The following PGM2L1 variants were observed in gnomAD, a reference collection of about 807,000 sequenced individuals.
PGM2L1 encodes the protein glucose 1,6-bisphosphate synthase.
A neutral mutation model predicts 73.4 loss-of-function variants in PGM2L1; 35 were observed. The ratio of observed to expected loss-of-function variants is 0.48; its 90% confidence interval spans 0.36 to 0.63. The LOEUF is 0.63. Ranked by LOEUF, PGM2L1 falls within the 30% of genes least tolerant of loss-of-function variation. The probability of loss-of-function intolerance (pLI) is 0.00; values close to 1 mark genes in which losing one functional copy is unlikely to be tolerated. For synonymous variants in PGM2L1, 225 were observed against 253.8 expected (o/e 0.89, Z 1.08); for missense variants, 570 against 742.0 (o/e 0.77, Z 2.69).
chr11:74,384,129 C>T (rs533872345), intron 1 of PGM2L1, among the ~76,000 whole-genome samples: 5 of 151,862 alleles, frequency 3.3e-5, no homozygotes, highest in East Asian at 1.9e-4. Context: ...TTTACTCCCC[C>T]ACTCCCCCCG....
intron 1 of PGM2L1, among the ~76,000 whole-genome samples, chr11:74,391,610 G>A (rs1229279622): frequency 6.6e-6 from 1 of 151,842 alleles, no homozygotes; most frequent in African/African-American, 2.4e-5. Context: ...TGGAATAATT[G>A]TCTTATTTAA....
chr11:74,359,736 C>T (rs1862524362), intron 5 of PGM2L1, among the ~76,000 whole-genome samples: 1 of 151,746 alleles, frequency 6.6e-6, no homozygotes, highest in South Asian at 2.1e-4. Context: ...AAGTGACAAA[C>T]ACGTATATAT....
Position 74,332,782 on chromosome 11 carries a change from C to T in PGM2L1, c.*3870G>A, listed in dbSNP as rs1176964851. ...GGGAGGTCTATTTCCTATATAAAGA[C>T]ATTCCAAAGTATCCAATCTCTTAGA... On this transcript the variant is annotated 3_prime_UTR_variant, in exon 14 of 14. Coordinates refer to ENST00000298198, the MANE Select transcript of PGM2L1 (RefSeq NM_173582.6). 1 of 152,404 alleles carries T rather than the reference C, an allele frequency of 6.6e-6. No homozygotes were observed. Among genetic ancestry groups the T allele is most frequent in the Non-Finnish European group, 1.5e-5 (1 of 68,010 alleles). 9.4% of individuals were successfully genotyped at this position (152,404 alleles called of 1,614,324 possible).
intron 1 of PGM2L1, among the ~76,000 whole-genome samples, chr11:74,375,419 C>A (rs1385645668): frequency 6.6e-6 from 1 of 152,038 alleles, no homozygotes; most frequent in Non-Finnish European, 1.5e-5. Flanking sequence ...GTAAGACTTA[C>A]ATGGAATTTT....
intron 1 of PGM2L1, 181 bp downstream of exon 1, chr11:74,397,870 G>C: frequency 9.1e-7 from 1 of 1,099,030 alleles, no homozygotes; most frequent in South Asian, 2.7e-5. Context: ...GTTGCCGCCC[G>C]GCTCTGGCAG....
chr11:74,358,445 T>C (rs1157700922), intron 5 of PGM2L1, among the ~76,000 whole-genome samples: 1 of 152,202 alleles, frequency 6.6e-6, no homozygotes, highest in African/African-American at 2.4e-5. Flanking sequence ...TTTCCACCCA[T>C]CTGATTGGCA....
In PGM2L1 at chr11:74,333,361, A is replaced by G. The variant is rs1378754748; in HGVS notation, c.*3291T>C. 6.6e-6 allele frequency: 1 copy of G among 152,236 alleles called. No individual in the cohort carries two copies. The highest frequency in any genetic ancestry group is 1.5e-5 in the Non-Finnish European group (1 of 68,038). 9.4% of individuals were successfully genotyped at this position (152,236 alleles called of 1,614,324 possible). A position where few individuals can be genotyped will look rare whatever the true frequency, so the allele number is the denominator to read the frequency against. ...AGTATTTCTTACTTTGAACCCTTCA[A>G]TAAAAGACTCAATAAAGCTTTATTA... On this transcript the variant is annotated 3_prime_UTR_variant, in exon 14 of 14. Transcript: ENST00000298198.
intron 2 of PGM2L1, among the ~76,000 whole-genome samples, chr11:74,373,657 A>G (rs550935374): frequency 1.1e-3 from 166 of 152,378 alleles, no homozygotes; most frequent in African/African-American, 3.8e-3. Context: ...ATGTGGATAT[A>G]GAAAACCACA....
In PGM2L1 at chr11:74,369,032, G is replaced by A. The variant is rs187485092; in HGVS notation, c.472-457C>T. 4.7e-3 allele frequency among the ~76,000 whole-genome samples: 713 copies of A among 152,184 alleles called. 7 individuals are homozygous for A. The highest frequency in any genetic ancestry group is 0.016 in the African/African-American group (671 of 41,500). The stretch of plus-strand genomic sequence containing the variant: ...AATAGCTCCAGTCTCCCAACAACAC[G>A]TTCAAATTTCAGTTACCACGGTAAT... On this transcript the variant is annotated intron_variant, in intron 4 of 13. Transcript: ENST00000298198.
chr11:74,337,925 T>C (rs1043379294), intron 13 of PGM2L1, among the ~76,000 whole-genome samples: 1 of 152,102 alleles, frequency 6.6e-6, no homozygotes, highest in African/African-American at 2.4e-5. Flanking sequence ...AATGAAAACA[T>C]ACATTCACAC....
At chr11:74,347,467 T>C in intron 6 of PGM2L1, 130 bp from the exon 7 acceptor site, 1 of 709,182 alleles carries the variant, frequency 1.4e-6, no homozygotes, top group Non-Finnish European at 2.1e-6. Flanking sequence ...GTCTAAGATA[T>C]TCAAACAAAC....
intron 5 of PGM2L1, chr11:74,355,008 A>G (rs1862420884): frequency 3.2e-6 from 4 of 1,260,788 alleles, no homozygotes; most frequent in Non-Finnish European, 3.4e-6. Flanking sequence ...AGAGATGGCT[A>G]GTGCTTCATC....
At chr11:74,356,815 A>G (rs73552536) in intron 5 of PGM2L1, among the ~76,000 whole-genome samples, 3,943 of 151,680 alleles carry the variant, frequency 0.026, 171 homozygotes, top group African/African-American at 0.091. Context: ...GAGGAAGTCT[A>G]GAGGATCTTG....
chr11:74,344,468 C>T (rs1374103633), intron 9 of PGM2L1, among the ~76,000 whole-genome samples: 3 of 152,024 alleles, frequency 2.0e-5, no homozygotes. Flanking sequence ...CTACTGTTCA[C>T]TTTAAAGACA....
At position 74,345,468 on chromosome 11, in the gene PGM2L1, C is replaced by T; in HGVS notation, c.1218+1G>A. On this transcript the variant is annotated splice_donor_variant, in intron 9 of 13. Transcript: ENST00000298198. LOFTEE classifies it high-confidence loss of function. Reference sequence around the variant, plus strand: ...AGCACACAGATATTATTGATTCTTACTTCAAAATGAAATCCTTCTTTAAGT... The same window carrying T: ...AGCACACAGATATTATTGATTCTTATTTCAAAATGAAATCCTTCTTTAAGT... The T allele has an allele frequency of 6.2e-7, 1 of 1,603,704 alleles. No homozygotes were observed. Among genetic ancestry groups the T allele is most frequent in the Non-Finnish European group, 8.5e-7 (1 of 1,172,144 alleles).
intron 6 of PGM2L1, among the ~76,000 whole-genome samples, chr11:74,350,897 A>AAG (rs35421915): frequency 4.5e-4 from 66 of 146,436 alleles, no homozygotes; most frequent in African/African-American, 1.1e-3. Context: ...GAAAGAAAGA[A>AAG]AGAGAGAGAG....
At chr11:74,347,883 T>G (rs531441311) in intron 6 of PGM2L1, among the ~76,000 whole-genome samples, 9 of 152,324 alleles carry the variant, frequency 5.9e-5, no homozygotes, top group African/African-American at 1.9e-4. Flanking sequence ...TCACTCTGAA[T>G]GGACACCCAA....
At chr11:74,351,197 C>T (rs1356992538) in intron 6 of PGM2L1, among the ~76,000 whole-genome samples, 186 bp downstream of exon 6, 1 of 152,124 alleles carries the variant, frequency 6.6e-6, no homozygotes, top group Non-Finnish European at 1.5e-5. Context: ...TATGGATATA[C>T]CACATTTTAC....
intron 5 of PGM2L1, chr11:74,354,776 T>G (rs1249979929): frequency 3.8e-6 from 4 of 1,041,040 alleles, no homozygotes; most frequent in Admixed American, 1.7e-5. Context: ...GTTGGTAGCA[T>G]TAAAGAAGAC....
Sources: gnomAD v4.1 joint callset for allele counts (sites outside exome capture counted in the v4.1 genomes callset) on GRCh38, gnomAD v4.1.1 for gene constraint, MANE v1.5 for transcripts, NCBI Gene and HGNC (gene_info 2026-07-23, HGNC 2026-07-21) for gene names.